Variants in TMEM232 observed in about 807,000 individuals in gnomAD.
TMEM232 encodes the protein transmembrane protein 232.
TMEM232 carries 80 observed loss-of-function variants against 78.8 expected under a neutral mutation model. The observed-to-expected ratio is 1.01, with a 90% CI of 0.85 to 1.22. TMEM232 has a LOEUF of 1.22. Ranked by LOEUF, TMEM232 falls within the 50% of genes most tolerant of loss-of-function variation. The pLI is 0.00. For missense variants in TMEM232, 881 were observed against 742.2 expected (o/e 1.19, Z -2.17); for synonymous variants, 297 against 254.3 (o/e 1.17, Z -1.60).
chr5:110,405,901 T>A (rs1755774242), intron 2 of TMEM232, among the ~76,000 whole-genome samples: 1 of 151,738 alleles, frequency 6.6e-6, no homozygotes, highest in Non-Finnish European at 1.5e-5. Flanking sequence ...TTATAAAAAA[T>A]TATCAATACA....
intron 12 of TMEM232, among the ~76,000 whole-genome samples, chr5:110,512,368 G>A (rs1377695784): frequency 2.0e-5 from 3 of 152,104 alleles, no homozygotes; most frequent in East Asian, 1.9e-4. Context: ...CTAGAGTCAC[G>A]AGCAGTAGTT....
intron 1 of TMEM232, among the ~76,000 whole-genome samples, chr5:110,703,528 C>G (rs970361337): frequency 3.3e-5 from 5 of 152,000 alleles, no homozygotes; most frequent in Admixed American, 1.3e-4. Context: ...CCCATCAGAG[C>G]TTTTGAAATT....
intron 13 of TMEM232, among the ~76,000 whole-genome samples, chr5:110,421,178 T>C (rs1490120655): frequency 3.3e-5 from 5 of 151,948 alleles, no homozygotes; most frequent in African/African-American, 1.2e-4. Context: ...CTATTCTCTA[T>C]GAAGTTAAAA....
At chr5:110,404,846 G>T (rs570895673) in intron 2 of TMEM232, among the ~76,000 whole-genome samples, 1 of 152,156 alleles carries the variant, frequency 6.6e-6, no homozygotes, top group East Asian at 1.9e-4. Context: ...GGGTGGAGGT[G>T]TAGGCCTGAT....
intron 8 of TMEM232, among the ~76,000 whole-genome samples, chr5:110,609,093 CT>C (rs750107424): frequency 2.1e-4 from 32 of 151,986 alleles, no homozygotes; most frequent in Non-Finnish European, 4.3e-4. Context: ...CTTCTTACTC[CT>C]CTATATCCAT....
chr5:110,470,221 G>A (rs1762528326), intron 12 of TMEM232, among the ~76,000 whole-genome samples: 2 of 152,022 alleles, frequency 1.3e-5, no homozygotes, highest in South Asian at 4.1e-4. Flanking sequence ...CTTCCCCAGG[G>A]ACGGGCCTGT....
intron 12 of TMEM232, among the ~76,000 whole-genome samples, chr5:110,464,820 G>GTATC (rs1264583479): frequency 3.3e-5 from 5 of 152,114 alleles, no homozygotes; most frequent in East Asian, 1.9e-4. Context: ...ATCAATCTAT[G>GTATC]TATCTATCTG....
chr5:110,427,225 A>C (rs972645021), intron 12 of TMEM232, among the ~76,000 whole-genome samples: 10 of 151,948 alleles, frequency 6.6e-5, no homozygotes, highest in African/African-American at 2.4e-4. Context: ...GTGTTATTTA[A>C]TCCCTCTGTT....
At chr5:110,665,638 C>T (rs1790463858) in intron 2 of TMEM232, among the ~76,000 whole-genome samples, 1 of 150,342 alleles carries the variant, frequency 6.7e-6, no homozygotes, top group South Asian at 2.1e-4. Flanking sequence ...GTTATCCAAT[C>T]ACCTCCCACC....
At chr5:110,571,862 G>T (rs1776980949) in intron 10 of TMEM232, among the ~76,000 whole-genome samples, 1 of 151,912 alleles carries the variant, frequency 6.6e-6, no homozygotes, top group African/African-American at 2.4e-5. Flanking sequence ...AAGGGGATCA[G>T]ATTAAATCGT....
At chr5:110,703,077 G>C (rs1410206109) in intron 1 of TMEM232, among the ~76,000 whole-genome samples, 2 of 151,970 alleles carry the variant, frequency 1.3e-5, no homozygotes, top group South Asian at 2.1e-4. Flanking sequence ...GGAGGGTAAA[G>C]GAAATCATTT....
intron 13 of TMEM232, among the ~76,000 whole-genome samples, chr5:110,421,391 TAATC>T (rs1048069608): frequency 7.2e-5 from 11 of 151,764 alleles, no homozygotes; most frequent in Admixed American, 1.3e-4. Flanking sequence ...TAAGTAATGA[TAATC>T]AATCAAACAT....
intron 1 of TMEM232, among the ~76,000 whole-genome samples, chr5:110,692,823 C>T (rs1230857297): frequency 6.6e-6 from 1 of 152,186 alleles, no homozygotes; most frequent in African/African-American, 2.4e-5. Context: ...TGGGTAGAGC[C>T]CATCACAGCT....
intron 2 of TMEM232, among the ~76,000 whole-genome samples, chr5:110,404,749 G>C (rs1044270366): frequency 9.9e-5 from 15 of 152,046 alleles, no homozygotes; most frequent in Non-Finnish European, 2.2e-4. Context: ...TTGATGAACT[G>C]AATTCCAAAG....
At chr5:110,624,183 T>A (rs1211583839) in intron 7 of TMEM232, among the ~76,000 whole-genome samples, 1 of 152,162 alleles carries the variant, frequency 6.6e-6, no homozygotes, top group Admixed American at 6.6e-5. Flanking sequence ...CATACTTATA[T>A]CCTTAGATGA....
intron 6 of TMEM232, 50 bp downstream of exon 6, chr5:110,627,731 C>G: frequency 7.9e-7 from 1 of 1,269,208 alleles, no homozygotes; most frequent in East Asian, 2.6e-5. Flanking sequence ...CTGAGCTTAT[C>G]AAAATATAAC....
intron 12 of TMEM232, among the ~76,000 whole-genome samples, chr5:110,431,961 GGGATAAATTT>G (rs1757905979): frequency 1.3e-5 from 2 of 151,724 alleles, no homozygotes; most frequent in Admixed American, 6.6e-5. Flanking sequence ...AATAGTTCAA[GGGATAAATTT>G]TGGTAGCTTT....
intron 1 of TMEM232, among the ~76,000 whole-genome samples, chr5:110,694,901 A>G (rs1408342732): frequency 2.6e-5 from 4 of 152,200 alleles, no homozygotes; most frequent in African/African-American, 9.7e-5. Flanking sequence ...AAAGAGACAG[A>G]AAGTTCACAA....
At chr5:110,462,678 C>A (rs1410555417) in intron 12 of TMEM232, among the ~76,000 whole-genome samples, 1 of 152,120 alleles carries the variant, frequency 6.6e-6, no homozygotes, top group African/African-American at 2.4e-5. Context: ...TTGCAGACAG[C>A]CTATTGTGGG....
Sources: allele counts gnomAD v4.1 joint callset (sites outside exome capture counted in the v4.1 genomes callset), GRCh38; gene constraint gnomAD v4.1.1; transcripts MANE v1.5; gene names NCBI Gene and HGNC (gene_info 2026-07-23, HGNC 2026-07-21).